Variants in TAFA5 observed in about 807,000 individuals in gnomAD.
TAFA5 encodes the protein chemokine-like protein TAFA-5.
A neutral mutation model predicts 15.3 loss-of-function variants in TAFA5; 6 were observed. That is an observed-to-expected ratio of 0.39 (90% CI 0.21 to 0.77). The LOEUF is 0.77. Ranked by LOEUF, TAFA5 falls within the 30% of genes least tolerant of loss-of-function variation. TAFA5 has a pLI of 0.41. For synonymous variants in TAFA5, 103 were observed against 80.7 expected, an observed-to-expected ratio of 1.28 and a Z score of -1.48; for missense variants, 161 against 193.1, an observed-to-expected ratio of 0.83 and a Z score of 0.98.
chr22:48,549,009 G>A (rs941261624), intron 1 of TAFA5, among the ~76,000 whole-genome samples: 2 of 152,240 alleles, frequency 1.3e-5, no homozygotes, highest in African/African-American at 4.8e-5. Context: ...CGATCAGATT[G>A]ACCTAAAGAA....
At chr22:48,517,228 C>T (rs1921442883) in intron 1 of TAFA5, among the ~76,000 whole-genome samples, 1 of 152,176 alleles carries the variant, frequency 6.6e-6, no homozygotes, top group South Asian at 2.1e-4. Context: ...CTCTCTCCTG[C>T]CCCCAGCAGG....
chr22:48,513,817 GCTGGTCC>G (rs1296149613), intron 1 of TAFA5, among the ~76,000 whole-genome samples: 1 of 152,224 alleles, frequency 6.6e-6, no homozygotes, highest in Non-Finnish European at 1.5e-5. Context: ...CTCCCACAGT[GCTGGTCC>G]CCAGGGCTGA....
At chr22:48,624,981 G>C (rs1255141525) in intron 1 of TAFA5, among the ~76,000 whole-genome samples, 1 of 152,118 alleles carries the variant, frequency 6.6e-6, no homozygotes, top group Non-Finnish European at 1.5e-5. Flanking sequence ...AGGGTGTGGT[G>C]GCGGGCACCT....
At chr22:48,659,973 G>C (rs186182844) in intron 2 of TAFA5, among the ~76,000 whole-genome samples, 1 of 152,178 alleles carries the variant, frequency 6.6e-6, no homozygotes, top group East Asian at 1.9e-4. Flanking sequence ...GACTTGGAGG[G>C]GGGTGAGTGG....
chr22:48,720,128 G>A (rs548311085), intron 3 of TAFA5, among the ~76,000 whole-genome samples: 6 of 152,308 alleles, frequency 3.9e-5, no homozygotes, highest in East Asian at 1.9e-4. Flanking sequence ...AAGGGTGGAC[G>A]GGGTCTGTCG....
At chr22:48,703,319 G>A (rs1387080804) in intron 2 of TAFA5, among the ~76,000 whole-genome samples, 2 of 152,142 alleles carry the variant, frequency 1.3e-5, no homozygotes, top group African/African-American at 4.8e-5. Flanking sequence ...AAGTCCCCCC[G>A]GACCCCGCCG....
chr22:48,546,417 G>A (rs1922670483), intron 1 of TAFA5: 1 of 459,528 alleles, frequency 2.2e-6, no homozygotes, highest in East Asian at 7.0e-5. Context: ...GGAGGTCCCC[G>A]AGTGACCATC....
chr22:48,534,266 G>T (rs1922073836), intron 1 of TAFA5, among the ~76,000 whole-genome samples: 1 of 151,682 alleles, frequency 6.6e-6, no homozygotes, highest in South Asian at 2.1e-4. Context: ...GTCAGGTGAG[G>T]TGGATCAGGC....
intron 1 of TAFA5, among the ~76,000 whole-genome samples, chr22:48,597,897 C>A (rs1393891758): frequency 1.3e-5 from 2 of 152,192 alleles, no homozygotes; most frequent in Non-Finnish European, 2.9e-5. Context: ...GACCAACGCA[C>A]GGGCCGATTA....
At chr22:48,506,589 T>C (rs887367011) in intron 1 of TAFA5, among the ~76,000 whole-genome samples, 4 of 152,176 alleles carry the variant, frequency 2.6e-5, no homozygotes, top group African/African-American at 9.7e-5. Flanking sequence ...TCCGTAGCTA[T>C]GGCCTCAGGC....
chr22:48,552,724 CT>C lies in TAFA5; in HGVS notation c.112+63021del, dbSNP rs1287634996. On this transcript the variant is annotated intron_variant, in intron 1 of 3. Coordinates refer to ENST00000402357, the MANE Select transcript of TAFA5 (RefSeq NM_001082967.3). The surrounding 1 kb of genome is among the most constrained non-coding windows in gnomAD (Gnocchi z 4.1). ...AAGGGTCCGTTTATCATACTGACAA[CT>C]GGAAAAACCTTAAATAAACATTTAT... 6.6e-6 allele frequency among the ~76,000 whole-genome samples: 1 copy of C among 152,168 alleles called. No homozygotes were observed. Among genetic ancestry groups the C allele is most frequent in the Non-Finnish European group, 1.5e-5 (1 of 68,020 alleles).
In TAFA5 at chr22:48,749,740, C is replaced by T. The variant is rs1386988426; in HGVS notation, c.391-99C>T. ...CTTCGTTTCAGGCCCTCCAGGAGGC[C>T]GGCTGGCAGGAGCCGGGGAGGGAAG... On this transcript the variant is annotated intron_variant, in intron 3 of 3. Transcript: ENST00000402357. The T allele has an allele frequency of 1.1e-5, 16 of 1,410,210 alleles. No individual in the cohort carries two copies. The East Asian group carries it at 3.0e-4, about 26-fold the overall frequency. The allele number at this position is 1,410,210 out of a possible 1,614,324, so 87.4% of individuals were successfully genotyped here.
chr22:48,667,244 G>T (rs1471294572), intron 2 of TAFA5, among the ~76,000 whole-genome samples: 3 of 137,644 alleles, frequency 2.2e-5, no homozygotes, highest in Non-Finnish European at 4.7e-5. Flanking sequence ...AGCCAGCCCC[G>T]CACTGCATCT....
At chr22:48,579,978 AG>A (rs1197110045) in intron 1 of TAFA5, among the ~76,000 whole-genome samples, 1 of 152,186 alleles carries the variant, frequency 6.6e-6, no homozygotes, top group Non-Finnish European at 1.5e-5. Flanking sequence ...TTTTGGTGGC[AG>A]GGGAGTGCAT....
intron 2 of TAFA5, among the ~76,000 whole-genome samples, chr22:48,668,670 C>T (rs12168281): frequency 0.81 from 55,842 of 69,130 alleles, 22,596 homozygotes; most frequent in East Asian, 0.99. Flanking sequence ...GCGTCTTCAC[C>T]GGGAGCTGTA....
intron 1 of TAFA5, among the ~76,000 whole-genome samples, chr22:48,551,298 A>G (rs133469): frequency 0.84 from 127,269 of 152,070 alleles, 53,484 homozygotes; most frequent in Middle Eastern, 0.93. Context: ...GGAGGAAAAC[A>G]CCAGCCGAGG....
chr22:48,513,125 T>C (rs369222612), intron 1 of TAFA5, among the ~76,000 whole-genome samples: 56 of 152,214 alleles, frequency 3.7e-4, no homozygotes, highest in African/African-American at 1.3e-3. Flanking sequence ...TGCAGAGGGT[T>C]TCCTGGAGGA....
At chr22:48,569,480 A>G (rs967719003) in intron 1 of TAFA5, among the ~76,000 whole-genome samples, 3 of 152,090 alleles carry the variant, frequency 2.0e-5, no homozygotes, top group African/African-American at 7.2e-5. Flanking sequence ...GAGGCTGCCA[A>G]GGACATGGGG....
At chr22:48,495,043 G>C (rs1310157116) in intron 1 of TAFA5, among the ~76,000 whole-genome samples, 1 of 152,204 alleles carries the variant, frequency 6.6e-6, no homozygotes, top group Non-Finnish European at 1.5e-5. Flanking sequence ...AGCATCCTGC[G>C]GGACGGTGGG....
Sources: allele counts gnomAD v4.1 joint callset (sites outside exome capture counted in the v4.1 genomes callset), GRCh38; gene constraint gnomAD v4.1.1; non-coding constraint Gnocchi (gnomAD v3.1); transcripts MANE v1.5; gene names NCBI Gene and HGNC (gene_info 2026-07-23, HGNC 2026-07-21).